GREB1: variants seen among roughly 807,000 people sequenced by gnomAD.
GREB1 encodes protein GREB1.
In GREB1, 106 loss-of-function variants were observed where a neutral mutation model predicts 200.7. That is an observed-to-expected ratio of 0.53 (90% confidence interval 0.45 to 0.62). GREB1 has a LOEUF of 0.62. Ranked by LOEUF, GREB1 falls within the 20% of genes least tolerant of loss-of-function variation. GREB1 has a pLI of 0.00. For synonymous variants in GREB1, 1,132 were observed against 1,092.4 expected (o/e 1.04, Z -0.72); for missense variants, 2,243 against 2,556.8 (o/e 0.88, Z 2.65).
intron 1 of GREB1, among the ~76,000 whole-genome samples, chr2:11,516,311 GGTGTGTGTGTGTGTGT>G (rs60141733): frequency 7.0e-6 from 1 of 143,856 alleles, no homozygotes; most frequent in Non-Finnish European, 1.5e-5. Flanking sequence ...TTTTCCTGCA[GGTGTGTGTGTGTGTGT>G]GTGTGTGTGT....
At chr2:11,616,898 G>A (rs999294580) in intron 21 of GREB1, among the ~76,000 whole-genome samples, 178 bp downstream of exon 21, 16 of 152,218 alleles carry the variant, frequency 1.1e-4, no homozygotes, top group Admixed American at 2.6e-4. Context: ...GGTCAACTTC[G>A]GATCGGAGAA....
At chr2:11,561,477 C>G (rs971854081) in intron 2 of GREB1, among the ~76,000 whole-genome samples, 1 of 151,824 alleles carries the variant, frequency 6.6e-6, no homozygotes, top group Non-Finnish European at 1.5e-5. Flanking sequence ...AATTCTCCTG[C>G]CTCAGCCTCC....
chr2:11,570,273 G>A (rs1678129270), intron 4 of GREB1, among the ~76,000 whole-genome samples: 1 of 151,990 alleles, frequency 6.6e-6, no homozygotes, highest in African/African-American at 2.4e-5. Context: ...GCTGGCCGTG[G>A]TGGCACATGC....
chr2:11,637,730 T>C lies in GREB1; in HGVS notation c.5361T>C (p.Ser1787=). The C allele has an allele frequency of 6.2e-7, 1 of 1,613,368 alleles. No homozygotes were observed. The highest frequency in any genetic ancestry group is 8.5e-7 in the Non-Finnish European group (1 of 1,180,012). The change falls in exon 31 of 33, where the codon TCT becomes TCC. Residue 1787 remains serine (S), a synonymous_variant. Coordinates refer to ENST00000381486, the MANE Select transcript of GREB1 (RefSeq NM_014668.4). Reference sequence around the variant, plus strand: ...TTCCCGTGCAGGTGTCTGATAACTCTGCCGCGGTCGTGCCGGCCCAGTACA... The same window carrying C: ...TTCCCGTGCAGGTGTCTGATAACTCCGCCGCGGTCGTGCCGGCCCAGTACA... ...FHITSKVSDN[S]AAVVPAQYIC...
At chr2:11,579,155 C>T (rs1679202997) in intron 6 of GREB1, among the ~76,000 whole-genome samples, 1 of 152,212 alleles carries the variant, frequency 6.6e-6, no homozygotes, top group Non-Finnish European at 1.5e-5. Flanking sequence ...AGCCAGTGCC[C>T]TTGTACCCAC....
intron 20 of GREB1, 92 bp from the exon 21 acceptor site, chr2:11,616,539 G>T: frequency 1.3e-6 from 1 of 795,944 alleles, no homozygotes; most frequent in Non-Finnish European, 2.2e-6. Flanking sequence ...GAGAGGTGAT[G>T]CATGGGAACA....
chr2:11,485,402 T>G (rs1672634437), intron 1 of GREB1, among the ~76,000 whole-genome samples: 1 of 151,924 alleles, frequency 6.6e-6, no homozygotes, highest in Admixed American at 6.6e-5. Flanking sequence ...GCCTCCTGAG[T>G]AGCTGGGATC....
intron 20 of GREB1, 127 bp from the exon 21 acceptor site, chr2:11,616,504 G>A: frequency 1.4e-6 from 1 of 719,444 alleles, no homozygotes. Context: ...CCTGGAAGAT[G>A]GCAGTGAATG....
At chr2:11,496,325 T>A (rs1302761692) in intron 1 of GREB1, among the ~76,000 whole-genome samples, 2 of 152,184 alleles carry the variant, frequency 1.3e-5, no homozygotes, top group African/African-American at 4.8e-5. Context: ...AAATGCCTTG[T>A]TAGGATGTGA....
At position 11,637,784 on chromosome 2, in the gene GREB1, C is replaced by T; in HGVS notation, c.5415C>T (p.Phe1805=). The change falls in exon 31 of 33, where the codon TTC becomes TTT. Residue 1805 remains phenylalanine, a synonymous_variant. Transcript: ENST00000381486. ...YICAPDSKHT[F]LAAPAQLLLE... ...GTGCCCCGGACAGCAAGCACACGTT[C>T]CTCGCAGCGCCCGCCCAGCTCCTGC... The T allele has an allele frequency of 6.2e-7, 1 of 1,614,140 alleles. No homozygotes were observed. Among genetic ancestry groups the T allele is most frequent in the South Asian group, 1.1e-5 (1 of 91,086 alleles).
At chr2:11,508,585 A>C (rs1241791958) in intron 1 of GREB1, among the ~76,000 whole-genome samples, 1 of 152,186 alleles carries the variant, frequency 6.6e-6, no homozygotes, top group Admixed American at 6.5e-5. Flanking sequence ...AAGAACGTAC[A>C]TAATCCTCCC....
At chr2:11,556,431 A>T (rs1006221617) in intron 1 of GREB1, 23 bp from the exon 2 acceptor site, 3 of 514,514 alleles carry the variant, frequency 5.8e-6, no homozygotes, top group African/African-American at 5.8e-5. Context: ...TTACTTATAT[A>T]ACTTCCTGTA....
intron 1 of GREB1, among the ~76,000 whole-genome samples, chr2:11,497,323 A>G (rs1489509485): frequency 6.6e-6 from 1 of 152,072 alleles, no homozygotes; most frequent in African/African-American, 2.4e-5. Context: ...TTATTGCTGA[A>G]TTGTCTTTCA....
chr2:11,625,275 C>T lies in GREB1; in HGVS notation c.4269C>T (p.Ser1423=). Residue 1423 remains serine, a synonymous_variant, in exon 24 of 33, where the codon AGC becomes AGT. Transcript: ENST00000381486. ...ACGACCCGAAGTATGAAGATGCCAG[C>T]CTGATTTGTTCGCACTATCAGGGTA... is the stretch of plus-strand genomic sequence containing the variant. ...IIHDPKYEDA[S]LICSHYQGIK... 4 of 1,614,122 alleles carry T rather than the reference C, an allele frequency of 2.5e-6. No individual in the cohort carries two copies. Among genetic ancestry groups the T allele is most frequent in the Non-Finnish European group, 3.4e-6 (4 of 1,180,002 alleles).
rs1397224112 is a variant in GREB1 at position 11,629,118 on chromosome 2, C to T, written c.4450-830C>T. Reference sequence around the variant, plus strand: ...CTCCCAAAGAAAGGGCTCTGTGGGTCTAGAAGAGCCATGGCAGAGATTAAA... The same window carrying T: ...CTCCCAAAGAAAGGGCTCTGTGGGTTTAGAAGAGCCATGGCAGAGATTAAA... On this transcript the variant is annotated intron_variant, in intron 25 of 32. Transcript: ENST00000381486. This position sits in a 1 kb window ranked among gnomAD's most constrained non-coding sequence, Gnocchi z 5.2. Among the ~76,000 whole-genome samples, 3 of 152,162 alleles carry T rather than the reference C, an allele frequency of 2.0e-5. No homozygotes were observed. Among genetic ancestry groups the T allele is most frequent in the African/African-American group, 7.2e-5 (3 of 41,422 alleles).
intron 1 of GREB1, among the ~76,000 whole-genome samples, chr2:11,515,597 C>T (rs979114070): frequency 2.8e-4 from 42 of 151,722 alleles, no homozygotes; most frequent in African/African-American, 7.3e-4. Context: ...AGCCTGAGGG[C>T]GGGGGGAGGG....
chr2:11,552,188 C>G (rs1256736227), intron 1 of GREB1, among the ~76,000 whole-genome samples: 2 of 152,216 alleles, frequency 1.3e-5, no homozygotes, highest in Non-Finnish European at 2.9e-5. Context: ...CATCACTGCC[C>G]TGATGGGCAC....
At chr2:11,632,441 C>T (rs1298402046) in intron 27 of GREB1, among the ~76,000 whole-genome samples, 3 of 147,770 alleles carry the variant, frequency 2.0e-5, no homozygotes, top group South Asian at 2.1e-4. Context: ...CGGGTTCAAG[C>T]GATTCTCCTG....
chr2:11,627,174 G>A lies in GREB1; in HGVS notation c.4449+70G>A, dbSNP rs756597956. ...ATTGTCCGTTCCCCTGCTCTCTCAC[G>A]CTTTCATTCCAGAGTGGGAGATAGA... is the stretch of plus-strand genomic sequence containing the variant. On this transcript the variant is annotated intron_variant, in intron 25 of 32. Transcript: ENST00000381486. 71 of 1,382,030 alleles carry A rather than the reference G, an allele frequency of 5.1e-5. No individual in the cohort carries two copies. The Admixed American group carries it at 6.6e-4, about 13-fold the overall frequency. The allele number at this position is 1,382,030 out of a possible 1,614,324, so 85.6% of individuals were successfully genotyped here. A position where few individuals can be genotyped will look rare whatever the true frequency, so the allele number is the denominator to read the frequency against.
Sources: allele counts gnomAD v4.1 joint callset (sites outside exome capture counted in the v4.1 genomes callset), GRCh38; gene constraint gnomAD v4.1.1; non-coding constraint Gnocchi (gnomAD v3.1); transcripts MANE v1.5; gene names NCBI Gene and HGNC (gene_info 2026-07-23, HGNC 2026-07-21).